SRPRA: variants seen among roughly 807,000 people sequenced by gnomAD.
SRPRA encodes SRP receptor subunit alpha.
SRPRA carries 30 observed loss-of-function variants against 61.1 expected under a neutral mutation model. The observed-to-expected ratio is 0.49, with a 90% CI of 0.37 to 0.67. The LOEUF is 0.67. Ranked by LOEUF, SRPRA falls within the 30% of genes least tolerant of loss-of-function variation. The pLI, the probability that SRPRA is intolerant of heterozygous loss-of-function variation, is 0.00. For missense variants in SRPRA, 759 were observed against 828.4 expected, an observed-to-expected ratio of 0.92 and a Z score of 1.03; for synonymous variants, 324 against 299.7, an observed-to-expected ratio of 1.08 and a Z score of -0.84.
At chr11:126,268,462 A>C (rs1210318678) in intron 1 of SRPRA, among the ~76,000 whole-genome samples, 2 of 152,138 alleles carry the variant, frequency 1.3e-5, no homozygotes, top group Non-Finnish European at 2.9e-5. Context: ...AGAATCCCAA[A>C]GGCGCCGGAA....
the SRPRA span, among the ~76,000 whole-genome samples, chr11:126,248,006 C>T: frequency 6.7e-6 from 1 of 148,668 alleles, no homozygotes; most frequent in Non-Finnish European, 1.5e-5. Context: ...ATATACAAGG[C>T]GTGGTGGCAC....
At chr11:126,259,219 G>A (rs12804014), downstream of SRPRA, among the ~76,000 whole-genome samples, 1 of 152,148 alleles carries the variant, frequency 6.6e-6, no homozygotes, top group East Asian at 1.9e-4. Flanking sequence ...AGAGGTTACA[G>A]GTCTTTTGCT....
the SRPRA span, among the ~76,000 whole-genome samples, chr11:126,240,275 C>CT: frequency 0.03 from 4,092 of 136,404 alleles, 90 homozygotes; most frequent in Non-Finnish European, 0.048. Flanking sequence ...CTTTTTTTTT[C>CT]TTTTTTTTTT....
the SRPRA span, among the ~76,000 whole-genome samples, chr11:126,242,765 C>T: frequency 3.9e-5 from 6 of 152,118 alleles, no homozygotes; most frequent in Non-Finnish European, 8.8e-5. Flanking sequence ...AAATTGGAAC[C>T]TTTGTGGGAA....
At chr11:126,242,930 G>A in the SRPRA span, among the ~76,000 whole-genome samples, 1 of 152,174 alleles carries the variant, frequency 6.6e-6, no homozygotes, top group African/African-American at 2.4e-5. Flanking sequence ...TCATAGCAAC[G>A]TTATTCATAA....
At chr11:126,259,022 T>G (rs1193069959), downstream of SRPRA, among the ~76,000 whole-genome samples, 3 of 152,256 alleles carry the variant, frequency 2.0e-5, no homozygotes, top group Admixed American at 2.0e-4. Context: ...TAAGGTGTTC[T>G]GTATCTTTAA....
At chr11:126,240,715 ACCTG>A in the SRPRA span, 689 of 1,422,626 alleles carry the variant, frequency 4.8e-4, 4 homozygotes, top group African/African-American at 8.0e-3. Context: ...AAAAACTGTA[ACCTG>A]AGTCAGACAG....
chr11:126,264,398 C>T lies in SRPRA; in HGVS notation c.1667G>A (p.Gly556Asp). ...LVLFVGEALV[G>D]NEAVDQLVKF... is the part of the protein sequence containing the mutation. The stretch of plus-strand genomic sequence containing the variant: ...CACCAGCTGGTCCACGGCTTCATTG[C>T]CTACTAAGGCTTCTCCTACAAACAG... The change falls in exon 12 of 14, where the codon GGC (glycine) becomes GAC (aspartate). Residue 556 changes from glycine (G) to aspartate (D), a missense_variant. Transcript: ENST00000332118. This position sits in a 1 kb window ranked among gnomAD's most constrained non-coding sequence, Gnocchi z 5.0. 6.2e-7 allele frequency: 1 copy of T among 1,614,202 alleles called. No homozygotes were observed. The highest frequency in any genetic ancestry group is 8.5e-7 in the Non-Finnish European group (1 of 1,180,032).
the SRPRA span, among the ~76,000 whole-genome samples, chr11:126,238,511 C>T: frequency 5.9e-5 from 9 of 152,090 alleles, no homozygotes; most frequent in Admixed American, 2.0e-4. Context: ...GGTGCAGGTA[C>T]AGAGTTGATT....
At chr11:126,247,456 T>G in the SRPRA span, among the ~76,000 whole-genome samples, 1 of 152,184 alleles carries the variant, frequency 6.6e-6, no homozygotes, top group African/African-American at 2.4e-5. Flanking sequence ...GTTTTAACCT[T>G]TTCTATTCTT....
the SRPRA span, chr11:126,254,314 T>C: frequency 6.2e-7 from 1 of 1,613,954 alleles, no homozygotes; most frequent in South Asian, 1.1e-5. Flanking sequence ...GGTCCTCGAG[T>C]GGGCTCAGGA....
the SRPRA span, chr11:126,254,329 C>T: frequency 5.6e-6 from 9 of 1,613,964 alleles, no homozygotes; most frequent in South Asian, 1.1e-5. Flanking sequence ...TCAGGAGAAG[C>T]GTAAGCTGAG....
rs1212204740 is a variant in SRPRA, at chr11:126,267,105, G to A, written c.526+70C>T. The A allele has an allele frequency of 8.8e-6, 14 of 1,582,184 alleles. No homozygotes were observed. In the East Asian group the frequency reaches 3.1e-4, roughly 35 times the overall value. On this transcript the variant is annotated intron_variant, in intron 4 of 13. Coordinates refer to ENST00000332118, the MANE Select transcript of SRPRA (RefSeq NM_003139.4). This position sits in a 1 kb window ranked among gnomAD's most constrained non-coding sequence, Gnocchi z 4.2. ...GCAGGTAAGCAATGACAAAAGGAAG[G>A]ACCACCTCAGTCCTTAGCACCGTGT...
chr11:126,246,656 G>T, the SRPRA span, among the ~76,000 whole-genome samples: 41 of 152,166 alleles, frequency 2.7e-4, 2 homozygotes, highest in South Asian at 7.7e-3. Context: ...TGCCCAGGCT[G>T]GTGTTGAACT....
At chr11:126,254,549 G>C in the SRPRA span, 1 of 1,386,194 alleles carries the variant, frequency 7.2e-7, no homozygotes, top group Non-Finnish European at 9.9e-7. Context: ...CGGAAGGTCA[G>C]GGGCTAGGAG....
At chr11:126,247,590 T>C in the SRPRA span, among the ~76,000 whole-genome samples, 61 of 152,216 alleles carry the variant, frequency 4.0e-4, 2 homozygotes, top group African/African-American at 1.4e-3. Flanking sequence ...GCCAGCGCGG[T>C]GGCTCACGCC....
the SRPRA span, among the ~76,000 whole-genome samples, chr11:126,250,990 G>C: frequency 1.3e-5 from 2 of 152,322 alleles, no homozygotes; most frequent in Admixed American, 1.3e-4. The surrounding 1 kb of genome is among the most constrained non-coding windows in gnomAD (Gnocchi z 5.1). Context: ...ATTAGAGGAA[G>C]TCACTTGAAC....
In SRPRA at chr11:126,267,820, T is replaced by A. The variant is rs1950847295; in HGVS notation, c.202-108A>T. The A allele has an allele frequency of 6.6e-7, 1 of 1,515,486 alleles. No individual in the cohort carries two copies. Among genetic ancestry groups the A allele is most frequent in the Non-Finnish European group, 9.0e-7 (1 of 1,110,430 alleles). 93.9% of individuals were successfully genotyped at this position (1,515,486 alleles called of 1,614,324 possible). The stretch of plus-strand genomic sequence containing the variant: ...GAGATAGGTTCAGCTACCTGGCCGG[T>A]TTCCCTGTCCTGAGAGGCAGCCAAG... On this transcript the variant is annotated intron_variant, in intron 2 of 13. Coordinates refer to ENST00000332118, the MANE Select transcript of SRPRA (RefSeq NM_003139.4). The surrounding 1 kb of genome is among the most constrained non-coding windows in gnomAD (Gnocchi z 4.2).
At chr11:126,245,970 T>A in the SRPRA span, among the ~76,000 whole-genome samples, 1 of 142,994 alleles carries the variant, frequency 7.0e-6, no homozygotes, top group South Asian at 2.2e-4. Flanking sequence ...CACTCCAGCC[T>A]GGGCAACAGG....
Sources: allele counts gnomAD v4.1 joint callset (sites outside exome capture counted in the v4.1 genomes callset), GRCh38; gene constraint gnomAD v4.1.1; non-coding constraint Gnocchi (gnomAD v3.1); transcripts MANE v1.5; gene names NCBI Gene and HGNC (gene_info 2026-07-23, HGNC 2026-07-21).